The following MRPS27 variants were observed in gnomAD, a reference collection of about 807,000 sequenced individuals.
The protein encoded by MRPS27 is mitochondrial ribosomal protein S27.
Under a neutral mutation model 48.9 loss-of-function variants are expected in MRPS27, and 43 were observed. The observed-to-expected ratio is 0.88, with a 90% CI of 0.69 to 1.13. The LOEUF is 1.13. MRPS27 is among the 50% of genes most tolerant of loss of function. The pLI is 0.00. For synonymous variants in MRPS27, 188 were observed against 171.9 expected, an observed-to-expected ratio of 1.09 and a Z score of -0.73; for missense variants, 467 against 476.3, an observed-to-expected ratio of 0.98 and a Z score of 0.18.
At chr5:72,244,271 A>C (rs1012775781) in intron 4 of MRPS27, among the ~76,000 whole-genome samples, 2 of 152,200 alleles carry the variant, frequency 1.3e-5, no homozygotes, top group Admixed American at 1.3e-4. Context: ...TGGAGTGCTA[A>C]ATAAATGCAG....
chr5:72,238,194 G>T, intron 4 of MRPS27, 66 bp from the exon 5 acceptor site: 1 of 1,042,464 alleles, frequency 9.6e-7, no homozygotes, highest in Non-Finnish European at 1.5e-6. Context: ...ATCTTCCATC[G>T]ATAGGTCCTT....
In MRPS27 at chr5:72,223,697, G is replaced by T. The variant is rs368017037; in HGVS notation, c.991C>A (p.Leu331Met). Reference sequence around the variant, plus strand: ...CTATGATTCACCTTAAATCGTTCCAGGTATTGAGGAAGCTTGGACTGCTCT... The same window carrying T: ...CTATGATTCACCTTAAATCGTTCCATGTATTGAGGAAGCTTGGACTGCTCT... ...ETEQSKLPQY[L>M]ERFKALHSKL... is the part of the protein sequence containing the mutation. The change falls in exon 10 of 11, where the codon CTG (leucine) becomes ATG (methionine). Residue 331 changes from leucine to methionine, a missense_variant. By Grantham distance (15) the Leu-to-Met change is conservative. Transcript: ENST00000261413. 6.8e-6 allele frequency: 11 copies of T among 1,613,910 alleles called. No individual in the cohort carries two copies. The highest frequency in any genetic ancestry group is 9.3e-6 in the Non-Finnish European group (11 of 1,179,940).
Position 72,223,755 on chromosome 5 carries a change from T to C in MRPS27, c.933A>G (p.Glu311=). ...SQNDEDNQGS[E]KLVEQLDIEE... ...CGATGTCTAACTGCTCCACCAGTTT[T>C]TCTGACCCCTGGTTGTCTTCATCAT... Residue 311 remains glutamate, a synonymous_variant, in exon 10 of 11, where the codon GAA becomes GAG. Coordinates refer to ENST00000261413, the MANE Select transcript of MRPS27 (RefSeq NM_015084.3). 1 of 1,614,042 alleles carries C rather than the reference T, an allele frequency of 6.2e-7. No individual in the cohort carries two copies. The highest frequency in any genetic ancestry group is 8.5e-7 in the Non-Finnish European group (1 of 1,179,940).
At chr5:72,227,032 C>T (rs1319769069) in intron 8 of MRPS27, 2 of 152,228 alleles carry the variant, frequency 1.3e-5, no homozygotes, top group African/African-American at 2.4e-5. Flanking sequence ...GCTTATCAGG[C>T]GACAGCTAAT....
intron 2 of MRPS27, among the ~76,000 whole-genome samples, chr5:72,311,942 G>C (rs1291753940): frequency 1.3e-5 from 2 of 152,174 alleles, no homozygotes; most frequent in African/African-American, 2.4e-5. Flanking sequence ...AGACCAGCCT[G>C]GCCAATAGGC....
chr5:72,299,775 T>A (rs13354337), intron 2 of MRPS27, among the ~76,000 whole-genome samples: 39,814 of 152,168 alleles, frequency 0.26, 5,345 homozygotes, highest in East Asian at 0.4. Flanking sequence ...TTACTTCACA[T>A]CTTGTCATTG....
intron 2 of MRPS27, among the ~76,000 whole-genome samples, chr5:72,300,161 GTTAA>G (rs755307204): frequency 1.6e-4 from 24 of 152,198 alleles, no homozygotes; most frequent in Non-Finnish European, 3.2e-4. Flanking sequence ...AAATCCAGTG[GTTAA>G]TTTTCTGTTC....
At chr5:72,233,520 A>T (rs909048948) in intron 6 of MRPS27, among the ~76,000 whole-genome samples, 6 of 152,174 alleles carry the variant, frequency 3.9e-5, no homozygotes, top group Non-Finnish European at 5.9e-5. Context: ...ACTATAAAAT[A>T]GCACTGATTT....
At chr5:72,259,261 G>GTCCC (rs765928938) in intron 4 of MRPS27, among the ~76,000 whole-genome samples, 3 of 152,238 alleles carry the variant, frequency 2.0e-5, no homozygotes, top group Non-Finnish European at 4.4e-5. Flanking sequence ...CTGAGGTTGG[G>GTCCC]AGTTTGAGAC....
At chr5:72,253,545 C>T (rs1014010130) in intron 4 of MRPS27, among the ~76,000 whole-genome samples, 2 of 152,116 alleles carry the variant, frequency 1.3e-5, no homozygotes, top group Non-Finnish European at 2.9e-5. Context: ...AGACAAAAGG[C>T]GAGAAGAGAT....
chr5:72,316,805 G>A (rs999826182), intron 1 of MRPS27, among the ~76,000 whole-genome samples: 3 of 151,908 alleles, frequency 2.0e-5, no homozygotes, highest in East Asian at 3.9e-4. Flanking sequence ...CGAGGTGGGC[G>A]GATCACCTGA....
At chr5:72,264,298 T>C (rs897927554) in intron 4 of MRPS27, among the ~76,000 whole-genome samples, 2 of 152,178 alleles carry the variant, frequency 1.3e-5, no homozygotes, top group African/African-American at 4.8e-5. Context: ...ATAAAAATAC[T>C]TTAGAAACAG....
intron 4 of MRPS27, 95 bp downstream of exon 4, chr5:72,295,436 A>G: frequency 1.2e-6 from 1 of 843,032 alleles, no homozygotes; most frequent in East Asian, 2.5e-5. Flanking sequence ...ATAAACTTAG[A>G]AGGTGTCAAA....
chr5:72,249,622 T>C (rs981573921), intron 4 of MRPS27, among the ~76,000 whole-genome samples: 4 of 150,818 alleles, frequency 2.7e-5, no homozygotes, highest in African/African-American at 9.8e-5. Flanking sequence ...GAGGCAGAGG[T>C]TGCAGTGAGC....
intron 4 of MRPS27, among the ~76,000 whole-genome samples, chr5:72,279,458 T>C (rs929563277): frequency 2.0e-5 from 3 of 152,176 alleles, no homozygotes; most frequent in African/African-American, 7.2e-5. Flanking sequence ...AAAATTTTAA[T>C]GCATTAAACC....
chr5:72,222,158 T>C (rs1327430503), intron 10 of MRPS27, among the ~76,000 whole-genome samples: 1 of 152,148 alleles, frequency 6.6e-6, no homozygotes, highest in Non-Finnish European at 1.5e-5. Flanking sequence ...GACCTCTGAC[T>C]AATAAAAATC....
chr5:72,296,826 T>C (rs909478992), intron 3 of MRPS27, among the ~76,000 whole-genome samples: 14 of 152,304 alleles, frequency 9.2e-5, no homozygotes, highest in African/African-American at 3.4e-4. Flanking sequence ...CTGTAAAAAG[T>C]TTTCACAGCT....
intron 4 of MRPS27, among the ~76,000 whole-genome samples, chr5:72,259,073 T>C (rs1748892318): frequency 1.3e-5 from 2 of 152,260 alleles, no homozygotes; most frequent in South Asian, 4.1e-4. Context: ...CTCCATTGAT[T>C]CAAGATCACT....
At chr5:72,232,593 T>G (rs1748092476) in intron 6 of MRPS27, 35 bp from the exon 7 acceptor site, 2 of 1,402,906 alleles carry the variant, frequency 1.4e-6, no homozygotes, top group South Asian at 2.4e-5. Flanking sequence ...GAGAGGAAAT[T>G]AGTTGTAGGT....
Sources: gnomAD v4.1 joint callset for allele counts (sites outside exome capture counted in the v4.1 genomes callset) on GRCh38, gnomAD v4.1.1 for gene constraint, MANE v1.5 for transcripts, NCBI Gene and HGNC (gene_info 2026-07-23, HGNC 2026-07-21) for gene names.